Variants in SMURF2 observed in about 807,000 individuals in gnomAD.
The protein encoded by SMURF2 is E3 ubiquitin-protein ligase SMURF2.
Under a neutral mutation model 109.6 loss-of-function variants are expected in SMURF2, and 48 were observed. The observed-to-expected ratio is 0.44, with a 90% CI of 0.35 to 0.56. SMURF2 has a LOEUF of 0.56. SMURF2 is among the 20% of genes least tolerant of loss of function. The pLI is 0.01. For missense variants in SMURF2, 575 were observed against 909.0 expected, an observed-to-expected ratio of 0.63 and a Z score of 4.72; for synonymous variants, 288 against 317.1, an observed-to-expected ratio of 0.91 and a Z score of 0.97.
chr17:64,650,913 A>G (rs1970628458), intron 1 of SMURF2, among the ~76,000 whole-genome samples: 1 of 151,156 alleles, frequency 6.6e-6, no homozygotes, highest in Admixed American at 6.6e-5. Context: ...CGGTGGTTAA[A>G]AAAAAAAAAA....
At chr17:64,633,407 G>A (rs1276625219) in intron 1 of SMURF2, among the ~76,000 whole-genome samples, 2 of 152,128 alleles carry the variant, frequency 1.3e-5, no homozygotes, top group African/African-American at 4.8e-5. Context: ...TAAAAACAGA[G>A]AAAGAACACT....
At chr17:64,629,669 A>T (rs908171335) in intron 1 of SMURF2, among the ~76,000 whole-genome samples, 1 of 152,234 alleles carries the variant, frequency 6.6e-6, no homozygotes, top group Non-Finnish European at 1.5e-5. Flanking sequence ...GCAGAGCTAA[A>T]TGGCCTTTTC....
At chr17:64,654,114 G>A (rs925720347) in intron 1 of SMURF2, among the ~76,000 whole-genome samples, 2 of 152,022 alleles carry the variant, frequency 1.3e-5, no homozygotes, top group African/African-American at 4.8e-5. Context: ...AAAATGTTTT[G>A]GGAAGAAACT....
intron 10 of SMURF2, chr17:64,563,178 A>G (rs1441271015): frequency 2.3e-6 from 1 of 435,254 alleles, no homozygotes; most frequent in Non-Finnish European, 4.1e-6. Flanking sequence ...AGAATTGGAT[A>G]ATGGAATTTT....
intron 1 of SMURF2, among the ~76,000 whole-genome samples, chr17:64,634,432 A>C (rs555711855): frequency 6.6e-6 from 1 of 152,136 alleles, no homozygotes; most frequent in Admixed American, 6.5e-5. Flanking sequence ...CTGACTTTAA[A>C]CCATTTCCTG....
chr17:64,593,207 CT>C (rs530314617), intron 4 of SMURF2: 3,681 of 214,126 alleles, frequency 0.017, 20 homozygotes, highest in Non-Finnish European at 0.024. Context: ...TAAAATGTTT[CT>C]TTTTTTTTTA....
intron 1 of SMURF2, among the ~76,000 whole-genome samples, chr17:64,606,933 T>A (rs1555689109): frequency 6.6e-6 from 1 of 152,120 alleles, no homozygotes; most frequent in Admixed American, 6.5e-5. Flanking sequence ...TCTGAGAAAC[T>A]CAGTGGCAAT....
intron 1 of SMURF2, among the ~76,000 whole-genome samples, chr17:64,608,273 ATAAC>A (rs1177435189): frequency 6.6e-6 from 1 of 152,092 alleles, no homozygotes; most frequent in African/African-American, 2.4e-5. Flanking sequence ...CTAAATAAAT[ATAAC>A]TAATCACTCT....
intron 1 of SMURF2, among the ~76,000 whole-genome samples, chr17:64,647,898 T>C (rs80246940): frequency 0.037 from 5,601 of 150,904 alleles, 356 homozygotes; most frequent in African/African-American, 0.13. Flanking sequence ...TAAAAACTTT[T>C]TTTCTTAATT....
chr17:64,561,537 G>A lies in SMURF2; in HGVS notation c.1279C>T (p.Arg427Cys), dbSNP rs568303941. ...CCATAGTCAAGGCCTTCTTCTCCAC[G>A]AAATTTTATCATTAATCGCTTCCAG... ...DLWKRLMIKF[R>C]GEEGLDYGGV... is the part of the protein sequence containing the mutation. Residue 427 changes from arginine to cysteine, a missense_variant, in exon 12 of 19, where the codon CGT becomes TGT. By Grantham distance (180) the Arg-to-Cys change is radical (BLOSUM62 -3). This residue lies in a region of SMURF2 where 361 missense variants were observed against 612.1 expected (regional missense o/e 0.59). Transcript: ENST00000262435. 7.4e-6 allele frequency: 12 copies of A among 1,613,890 alleles called. No individual in the cohort carries two copies. The highest frequency in any genetic ancestry group is 2.2e-5 in the South Asian group (2 of 91,074).
chr17:64,584,216 G>T (rs1471546905), intron 6 of SMURF2, among the ~76,000 whole-genome samples: 10 of 150,232 alleles, frequency 6.7e-5, no homozygotes, highest in Admixed American at 5.3e-4. Flanking sequence ...TACTCGGGAG[G>T]TTGAGGCAGG....
At chr17:64,638,832 G>T (rs1970456464) in intron 1 of SMURF2, among the ~76,000 whole-genome samples, 1 of 152,154 alleles carries the variant, frequency 6.6e-6, no homozygotes, top group Non-Finnish European at 1.5e-5. Context: ...TCCCATACTG[G>T]GATGGCTAGT....
intron 15 of SMURF2, 97 bp downstream of exon 15, chr17:64,554,759 T>C: frequency 1.8e-6 from 2 of 1,128,936 alleles, no homozygotes; most frequent in Non-Finnish European, 2.5e-6. Context: ...GCGGATTTTG[T>C]AACACTAAGT....
intron 1 of SMURF2, among the ~76,000 whole-genome samples, chr17:64,649,375 TAA>T (rs1312929227): frequency 6.6e-6 from 1 of 152,084 alleles, no homozygotes; most frequent in African/African-American, 2.4e-5. Flanking sequence ...TATCAAGTCA[TAA>T]AGAGTTCATC....
At position 64,545,525 on chromosome 17, in the gene SMURF2, AAAT is replaced by A. The variant is rs1968935632; in HGVS notation, c.*320_*322del. The A allele has an allele frequency of 2.8e-5, 5 of 176,564 alleles. No individual in the cohort carries two copies. In the East Asian group the frequency reaches 7.4e-4, roughly 26 times the overall value. The allele number at this position is 176,564 out of a possible 1,614,324, so 10.9% of individuals were successfully genotyped here. A position where few individuals can be genotyped will look rare whatever the true frequency, so the allele number is the denominator to read the frequency against. On this transcript the variant is annotated 3_prime_UTR_variant, in exon 19 of 19. Transcript: ENST00000262435. The stretch of plus-strand genomic sequence containing the variant: ...AATTTGAATAGATTACCTTTTATAA[AAAT>A]AGTAGTAGTCTTTAAGTGTAGAATA...
At chr17:64,555,109 C>A in intron 14 of SMURF2, 116 bp from the exon 15 acceptor site, 1 of 1,014,078 alleles carries the variant, frequency 9.9e-7, no homozygotes, top group South Asian at 1.9e-5. Flanking sequence ...AATGTGAGGT[C>A]AGATTCTGCT....
chr17:64,630,535 A>C (rs1398362477), intron 1 of SMURF2, among the ~76,000 whole-genome samples: 2 of 152,214 alleles, frequency 1.3e-5, no homozygotes, highest in Non-Finnish European at 2.9e-5. Flanking sequence ...GTTAGGGGTA[A>C]GCAGTAAGGC....
At chr17:64,661,770 A>AC (rs1368416385) in intron 1 of SMURF2, 59 bp downstream of exon 1, 4 of 1,175,020 alleles carry the variant, frequency 3.4e-6, no homozygotes, top group Admixed American at 8.9e-5. Context: ...GGCCACAGGC[A>AC]CCCCCCGCCA....
At chr17:64,658,417 C>T (rs1043590016) in intron 1 of SMURF2, among the ~76,000 whole-genome samples, 3 of 152,110 alleles carry the variant, frequency 2.0e-5, no homozygotes, top group African/African-American at 7.2e-5. Context: ...TAGAATTAAG[C>T]TACAATTTTT....
Sources: allele counts gnomAD v4.1 joint callset (sites outside exome capture counted in the v4.1 genomes callset), GRCh38; gene constraint gnomAD v4.1.1; regional missense constraint gnomAD v4.1.1; transcripts MANE v1.5; gene names NCBI Gene and HGNC (gene_info 2026-07-23, HGNC 2026-07-21).